Variants in TRIP4 observed in about 807,000 individuals in gnomAD.
The protein encoded by TRIP4 is thyroid hormone receptor interactor 4.
In TRIP4, 54 loss-of-function variants were observed where a neutral mutation model predicts 81.8. That is an observed-to-expected ratio of 0.66 (90% CI 0.53 to 0.83). TRIP4 has a LOEUF of 0.83. Ranked by LOEUF, TRIP4 falls within the 40% of genes least tolerant of loss-of-function variation. The pLI is 0.00. For synonymous variants in TRIP4, 270 were observed against 242.8 expected (o/e 1.11, Z -1.04); for missense variants, 662 against 683.6 (o/e 0.97, Z 0.35).
At chr15:64,407,363 G>T (rs1466006216) in intron 6 of TRIP4, among the ~76,000 whole-genome samples, 1 of 151,966 alleles carries the variant, frequency 6.6e-6, no homozygotes, top group Non-Finnish European at 1.5e-5. Flanking sequence ...TCAGTAGAAC[G>T]TATTATTAGA....
Position 64,455,197 on chromosome 15 carries a change from CTT to C in TRIP4, c.*134_*135del. The stretch of plus-strand genomic sequence containing the variant: ...GCTTGAATATCTCAGAACTTAAACT[CTT>C]ACCAAAATCTGTATATTTTTCTTAA... On this transcript the variant is annotated 3_prime_UTR_variant, in exon 13 of 13. Coordinates refer to ENST00000261884, the MANE Select transcript of TRIP4 (RefSeq NM_016213.5). 3 of 658,926 alleles carry C rather than the reference CTT, an allele frequency of 4.6e-6. No homozygotes were observed. The highest frequency in any genetic ancestry group is 7.3e-6 in the Non-Finnish European group (3 of 410,290). The allele number at this position is 658,926 out of a possible 1,614,324, so 40.8% of individuals were successfully genotyped here.
At chr15:64,390,586 A>G (rs933249380) in intron 1 of TRIP4, among the ~76,000 whole-genome samples, 7 of 152,058 alleles carry the variant, frequency 4.6e-5, no homozygotes, top group African/African-American at 1.7e-4. Context: ...TGGATTACAC[A>G]GTATCAAGAA....
chr15:64,423,645 T>C (rs1044079509), intron 9 of TRIP4, among the ~76,000 whole-genome samples: 4 of 152,064 alleles, frequency 2.6e-5, no homozygotes, highest in Admixed American at 6.6e-5. Flanking sequence ...TAGGGAAAGG[T>C]TAGCCTTTGA....
chr15:64,444,963 C>A, intron 11 of TRIP4, 43 bp from the exon 12 acceptor site: 1 of 1,071,288 alleles, frequency 9.3e-7, no homozygotes, highest in Non-Finnish European at 1.4e-6. Flanking sequence ...AAATTCAAAG[C>A]TTGTCCCAAC....
chr15:64,443,778 T>C (rs368542158), intron 11 of TRIP4, among the ~76,000 whole-genome samples: 1 of 152,146 alleles, frequency 6.6e-6, no homozygotes, highest in African/African-American at 2.4e-5. Context: ...TCCCAGAACT[T>C]TGGGAGGTTG....
chr15:64,418,467 T>A, intron 8 of TRIP4, 74 bp from the exon 9 acceptor site: 1 of 1,404,642 alleles, frequency 7.1e-7, no homozygotes, highest in East Asian at 2.4e-5. Context: ...ATTATTAGCA[T>A]TCGCATCATT....
At chr15:64,442,373 T>C (rs1315541463) in intron 11 of TRIP4, among the ~76,000 whole-genome samples, 2 of 152,144 alleles carry the variant, frequency 1.3e-5, no homozygotes, top group Non-Finnish European at 2.9e-5. Context: ...TTGGATATAC[T>C]TTGGCTTTTC....
At chr15:64,394,274 G>A (rs190067395) in intron 2 of TRIP4, among the ~76,000 whole-genome samples, 159 bp downstream of exon 2, 26 of 151,906 alleles carry the variant, frequency 1.7e-4, no homozygotes, top group African/African-American at 2.9e-4. Context: ...TACTCAATCC[G>A]TAATGAATAT....
intron 12 of TRIP4, among the ~76,000 whole-genome samples, chr15:64,451,968 A>AT (rs914437422): frequency 2.3e-4 from 7 of 29,980 alleles, no homozygotes; most frequent in Non-Finnish European, 5.4e-4. Context: ...AAAAAAAAAA[A>AT]TTTTTTTTTT....
At chr15:64,397,127 G>A (rs893473349) in intron 3 of TRIP4, among the ~76,000 whole-genome samples, 1 of 152,030 alleles carries the variant, frequency 6.6e-6, no homozygotes, top group Non-Finnish European at 1.5e-5. Context: ...GCGTCAACTC[G>A]ACTAACTGCA....
At chr15:64,422,304 T>C (rs1345623936) in intron 9 of TRIP4, among the ~76,000 whole-genome samples, 2 of 152,142 alleles carry the variant, frequency 1.3e-5, no homozygotes, top group East Asian at 3.8e-4. Flanking sequence ...GTTTTCAGAG[T>C]GCTCTTTCCC....
chr15:64,453,325 C>A (rs1292672578), intron 12 of TRIP4, among the ~76,000 whole-genome samples: 1 of 152,224 alleles, frequency 6.6e-6, no homozygotes, highest in South Asian at 2.1e-4. Context: ...TGTACTCTTA[C>A]ATTTGTCTGA....
chr15:64,441,568 T>C (rs930989991), intron 11 of TRIP4, among the ~76,000 whole-genome samples: 6 of 151,380 alleles, frequency 4.0e-5, no homozygotes, highest in African/African-American at 1.5e-4. Context: ...GGTCAGGAGA[T>C]TGAGACCATC....
intron 7 of TRIP4, among the ~76,000 whole-genome samples, chr15:64,413,861 C>A (rs1319704790): frequency 6.6e-6 from 1 of 152,206 alleles, no homozygotes; most frequent in Non-Finnish European, 1.5e-5. Context: ...CCTGGAATTA[C>A]AGGAGTGAGC....
At chr15:64,406,195 G>C in intron 5 of TRIP4, 135 bp from the exon 6 acceptor site, 1 of 1,058,328 alleles carries the variant, frequency 9.4e-7, no homozygotes, top group Middle Eastern at 2.2e-4. Context: ...CTGTGTACTT[G>C]TTTTCTGTTG....
At chr15:64,411,928 G>A (rs1253415656) in intron 7 of TRIP4, among the ~76,000 whole-genome samples, 3 of 67,836 alleles carry the variant, frequency 4.4e-5, no homozygotes, top group East Asian at 4.5e-4. Context: ...TGATCCACCC[G>A]CCTCGGCCTC....
At position 64,435,257 on chromosome 15, in the gene TRIP4, C is replaced by T. The variant is rs570468865; in HGVS notation, c.1575+9626C>T. 6.7e-4 allele frequency among the ~76,000 whole-genome samples: 97 copies of T among 144,860 alleles called. 1 individual carries two copies. The highest frequency in any genetic ancestry group is 2.4e-3 in the African/African-American group (96 of 39,400). ...AAAAAAGATGCCGGGTGCAGTGGCTCACGCCTGTAATCCCAGCACTTTGGG... is the reference window on the plus strand; with the variant it reads ...AAAAAAGATGCCGGGTGCAGTGGCTTACGCCTGTAATCCCAGCACTTTGGG... On this transcript the variant is annotated intron_variant, in intron 11 of 12. Transcript: ENST00000261884.
chr15:64,406,281 A>C lies in TRIP4; in HGVS notation c.698-49A>C, dbSNP rs778014673. The C allele has an allele frequency of 8.7e-6, 14 of 1,603,312 alleles. 1 individual carries two copies. The highest frequency in any genetic ancestry group is 1.7e-4 in the Middle Eastern group (1 of 5,986). ...TTCTTTGTTGCACACTGGTACAACTAATTTGTATTTAGAGGCTGACACCAT... is the reference window on the plus strand; with the variant it reads ...TTCTTTGTTGCACACTGGTACAACTCATTTGTATTTAGAGGCTGACACCAT... On this transcript the variant is annotated intron_variant, in intron 5 of 12. Transcript: ENST00000261884.
chr15:64,395,366 G>A (rs1302324395), intron 2 of TRIP4, 32 bp from the exon 3 acceptor site: 2 of 1,586,490 alleles, frequency 1.3e-6, no homozygotes, highest in East Asian at 4.5e-5. Context: ...CAATCTGTGT[G>A]TGTGTGTATT....
Sources: gnomAD v4.1 joint callset for allele counts (sites outside exome capture counted in the v4.1 genomes callset) on GRCh38, gnomAD v4.1.1 for gene constraint, MANE v1.5 for transcripts, NCBI Gene and HGNC (gene_info 2026-07-23, HGNC 2026-07-21) for gene names.